Variants in MAPKAPK5 observed in about 807,000 individuals in gnomAD.
The protein encoded by MAPKAPK5 is MAPK activated protein kinase 5.
MAPKAPK5 carries 30 observed loss-of-function variants against 65.1 expected under a neutral mutation model. The observed-to-expected ratio is 0.46, with a 90% CI of 0.34 to 0.63. MAPKAPK5 has a LOEUF of 0.63. Ranked by LOEUF, MAPKAPK5 falls within the 20% of genes least tolerant of loss-of-function variation. The pLI, the probability that MAPKAPK5 is intolerant of heterozygous loss-of-function variation, is 0.01. For missense variants in MAPKAPK5, 433 were observed against 581.4 expected (o/e 0.74, Z 2.63); for synonymous variants, 179 against 204.6 (o/e 0.87, Z 1.07).
Position 111,899,974 on chromosome 12 carries a change from T to C in MAPKAPK5, c.*6913T>C. 1 of 456,116 alleles carries C rather than the reference T, an allele frequency of 2.2e-6. No homozygotes were observed. Among genetic ancestry groups the C allele is most frequent in the Non-Finnish European group, 4.4e-6 (1 of 226,810 alleles). 28.3% of individuals were successfully genotyped at this position (456,116 alleles called of 1,614,324 possible). On this transcript the variant is annotated 3_prime_UTR_variant, in exon 14 of 14. Coordinates refer to ENST00000550735, the MANE Select transcript of MAPKAPK5 (RefSeq NM_003668.4). ...CACAAAAAGTACGTGGAGATGTTTG[T>C]CGTGGTCAACAACCAGCGGTTCCAG...
chr12:111,899,427 TTGA>T lies in MAPKAPK5; in HGVS notation c.*6369_*6371del, dbSNP rs1435536119. 6.3e-6 allele frequency: 1 copy of T among 157,800 alleles called. No individual in the cohort carries two copies. Among genetic ancestry groups the T allele is most frequent in the Non-Finnish European group, 1.4e-5 (1 of 71,050 alleles). 9.8% of individuals were successfully genotyped at this position (157,800 alleles called of 1,614,324 possible). A position where few individuals can be genotyped will look rare whatever the true frequency, so the allele number is the denominator to read the frequency against. ...ACCTTCATGTATCAGGTTAGAGATT[TTGA>T]TGCTTTTGGTGATTTTTGTGCCAAG... On this transcript the variant is annotated 3_prime_UTR_variant, in exon 14 of 14. Coordinates refer to ENST00000550735, the MANE Select transcript of MAPKAPK5 (RefSeq NM_003668.4).
Position 111,866,090 on chromosome 12 carries a change from G to A in MAPKAPK5, c.111-66G>A, listed in dbSNP as rs989771737. On this transcript the variant is annotated intron_variant, in intron 2 of 13. Transcript: ENST00000550735. ...GAGAAGTACAAATCTCAAAGAAAAA[G>A]CTTGTTAAATTAATTTTCATTCTAA... 3.5e-5 allele frequency: 44 copies of A among 1,274,682 alleles called. No homozygotes were observed. The East Asian group carries it at 1.0e-3, about 29-fold the overall frequency. The allele number at this position is 1,274,682 out of a possible 1,614,324, so 79.0% of individuals were successfully genotyped here. A position where few individuals can be genotyped will look rare whatever the true frequency, so the allele number is the denominator to read the frequency against.
intron 4 of MAPKAPK5, 35 bp downstream of exon 4, chr12:111,867,704 A>T (rs769988070): frequency 6.8e-7 from 1 of 1,470,598 alleles, no homozygotes; most frequent in African/African-American, 1.4e-5. Context: ...AAATGCCCAC[A>T]TGTAGGCCAA....
At chr12:111,873,672 G>A (rs2069859245) in intron 7 of MAPKAPK5, among the ~76,000 whole-genome samples, 1 of 152,038 alleles carries the variant, frequency 6.6e-6, no homozygotes, top group African/African-American at 2.4e-5. Flanking sequence ...AAACCAGCTG[G>A]CCATATATCT....
chr12:111,871,161 C>T lies in MAPKAPK5; in HGVS notation c.560C>T (p.Pro187Leu). ...GACTTGATGACACCCCAGTTCACCC[C>T]TTATTATGTAGCACCCCAGGTAAGC... ...QGDLMTPQFT[P>L]YYVAPQVLEA... is the part of the protein sequence containing the mutation. The change falls in exon 7 of 14, where the codon CCT (proline) becomes CTT (leucine). Residue 187 changes from proline (P) to leucine (L), a missense_variant. Around this residue, in one of 3 missense-constraint regions of MAPKAPK5, gnomAD observed 99 missense variants for 185.8 expected, o/e 0.53. Coordinates refer to ENST00000550735, the MANE Select transcript of MAPKAPK5 (RefSeq NM_003668.4). The T allele has an allele frequency of 6.2e-7, 1 of 1,613,740 alleles. No individual in the cohort carries two copies. The highest frequency in any genetic ancestry group is 8.5e-7 in the Non-Finnish European group (1 of 1,179,822).
intron 1 of MAPKAPK5, among the ~76,000 whole-genome samples, chr12:111,846,499 T>TC (rs1441545761): frequency 6.8e-6 from 1 of 146,360 alleles, no homozygotes; most frequent in African/African-American, 2.5e-5. Flanking sequence ...AGTTTCTTTT[T>TC]CTTTTTTTTT....
chr12:111,881,188 C>T (rs929768404), intron 8 of MAPKAPK5, among the ~76,000 whole-genome samples: 1 of 151,900 alleles, frequency 6.6e-6, no homozygotes, highest in Non-Finnish European at 1.5e-5. Context: ...ATTCTCCTGC[C>T]TCAGTCTCCC....
chr12:111,890,314 A>G (rs1315672685), intron 13 of MAPKAPK5, among the ~76,000 whole-genome samples, 170 bp downstream of exon 13: 2 of 152,220 alleles, frequency 1.3e-5, no homozygotes, highest in African/African-American at 4.8e-5. Context: ...TTAACTGCCC[A>G]GGCATACCTG....
rs377454659 is a variant in MAPKAPK5, at chr12:111,870,324, C to G, written c.447C>G (p.Leu149=). ...TGTTAAACATTGCGCACAGAGACCT[C>G]AAGCCTGAAAATCTGCTTTTTAAGG... The part of the protein sequence containing the change: ...CHLLNIAHRD[L]KPENLLFKDN... Residue 149 remains leucine, a synonymous_variant, in exon 6 of 14, where the codon CTC becomes CTG. Transcript: ENST00000550735. 8.1e-6 allele frequency: 13 copies of G among 1,610,670 alleles called. No individual in the cohort carries two copies. The African/African-American group carries it at 1.6e-4, about 20-fold the overall frequency.
At position 111,900,063 on chromosome 12, in the gene MAPKAPK5, A is replaced by C. The variant is rs957386592; in HGVS notation, c.*7002A>C. On this transcript the variant is annotated 3_prime_UTR_variant, in exon 14 of 14. Transcript: ENST00000550735. ...AGTGGATGTCATTGCTCTGGCCAAC[A>C]GCTTCACTAGGGGAATAAACACAGA... 2.2e-6 allele frequency: 1 copy of C among 456,104 alleles called. No homozygotes were observed. The highest frequency in any genetic ancestry group is 4.4e-6 in the Non-Finnish European group (1 of 226,804). 28.3% of individuals were successfully genotyped at this position (456,104 alleles called of 1,614,324 possible). A position where few individuals can be genotyped will look rare whatever the true frequency, so the allele number is the denominator to read the frequency against.
In MAPKAPK5 at chr12:111,870,297, C is replaced by G; in HGVS notation, c.420C>G (p.His140Gln). 6.2e-7 allele frequency: 1 copy of G among 1,609,256 alleles called. No homozygotes were observed. Among genetic ancestry groups the G allele is most frequent in the Non-Finnish European group, 8.5e-7 (1 of 1,175,938 alleles). ...TAGCTTTGGCTCTGCGGCACTGTCA[C>G]TTGTTAAACATTGCGCACAGAGACC... ...KQIALALRHC[H>Q]LLNIAHRDLK... The change falls in exon 6 of 14, where the codon CAC (histidine) becomes CAG (glutamine). Residue 140 changes from histidine to glutamine, a missense_variant. This residue lies in a region of MAPKAPK5 where 165 missense variants were observed against 180.0 expected (regional missense o/e 0.92). Coordinates refer to ENST00000550735, the MANE Select transcript of MAPKAPK5 (RefSeq NM_003668.4).
At chr12:111,849,247 TTTTC>T (rs1566221803) in intron 1 of MAPKAPK5, among the ~76,000 whole-genome samples, 1 of 150,832 alleles carries the variant, frequency 6.6e-6, no homozygotes, top group African/African-American at 2.4e-5. Context: ...GTTCTTTTTT[TTTTC>T]TTTCTTTTTT....
At chr12:111,877,958 C>A (rs539273285) in intron 7 of MAPKAPK5, among the ~76,000 whole-genome samples, 3 of 151,550 alleles carry the variant, frequency 2.0e-5, no homozygotes, top group African/African-American at 7.3e-5. Context: ...TCCTAACTTG[C>A]TGGGATTACA....
chr12:111,868,753 G>A lies in MAPKAPK5; in HGVS notation c.285G>A (p.Arg95=). 2 of 1,549,432 alleles carry A rather than the reference G, an allele frequency of 1.3e-6. No individual in the cohort carries two copies. The highest frequency in any genetic ancestry group is 8.7e-7 in the Non-Finnish European group (1 of 1,145,350). ...SVQFPHESSP[R]ARLLIVMEMM... ...AACAAAATCAAATGCTTTCAAACAG[G>A]GCCCGACTCTTAATTGTAATGGAGA... The change falls in exon 5 of 14, where the codon AGG becomes AGA. Residue 95 remains arginine, a splice_region_variant and synonymous_variant. Transcript: ENST00000550735.
chr12:111,893,223 GTTTT>G lies in MAPKAPK5; in HGVS notation c.*164_*167del. ...CTTAATAATAGTATAGTTATTGTTT[GTTTT>G]TAAGAAAAGCTCAGTTCTAGAGACA... On this transcript the variant is annotated 3_prime_UTR_variant, in exon 14 of 14. Transcript: ENST00000550735. 1 of 446,224 alleles carries G rather than the reference GTTTT, an allele frequency of 2.2e-6. No individual in the cohort carries two copies. The highest frequency in any genetic ancestry group is 3.3e-5 in the South Asian group (1 of 30,056). The allele number at this position is 446,224 out of a possible 1,614,324, so 27.6% of individuals were successfully genotyped here.
At chr12:111,860,218 C>G (rs916046446) in intron 1 of MAPKAPK5, among the ~76,000 whole-genome samples, 2 of 152,322 alleles carry the variant, frequency 1.3e-5, no homozygotes, top group South Asian at 2.1e-4. Context: ...CTATCCTGAT[C>G]AACTTACAGT....
chr12:111,886,130 C>A, intron 10 of MAPKAPK5, 94 bp downstream of exon 10: 1 of 1,544,916 alleles, frequency 6.5e-7, no homozygotes, highest in Non-Finnish European at 8.9e-7. Flanking sequence ...CAAAACAGTG[C>A]AGAGTACACG....
At chr12:111,853,141 G>A (rs768975237) in intron 1 of MAPKAPK5, among the ~76,000 whole-genome samples, 40 of 152,138 alleles carry the variant, frequency 2.6e-4, no homozygotes, top group Middle Eastern at 3.4e-3. Context: ...TGAGGTGGGC[G>A]GATCACGAGG....
At chr12:111,862,594 G>A (rs1308535638) in intron 1 of MAPKAPK5, among the ~76,000 whole-genome samples, 1 of 152,088 alleles carries the variant, frequency 6.6e-6, no homozygotes, top group East Asian at 1.9e-4. Flanking sequence ...CCAGCTACTT[G>A]GTAGGCTGAG....
Sources: gnomAD v4.1 joint callset for allele counts (sites outside exome capture counted in the v4.1 genomes callset) on GRCh38, gnomAD v4.1.1 for gene constraint, gnomAD v4.1.1 regional missense constraint, MANE v1.5 for transcripts, NCBI Gene and HGNC (gene_info 2026-07-23, HGNC 2026-07-21) for gene names.